GBP7: variants seen among roughly 807,000 people sequenced by gnomAD.
GBP7 encodes guanylate-binding protein 7.
In GBP7, 43 loss-of-function variants were observed where a neutral mutation model predicts 61.3. The ratio of observed to expected loss-of-function variants is 0.70; its 90% confidence interval spans 0.55 to 0.91. GBP7 has a LOEUF of 0.91. Ranked by LOEUF, GBP7 falls within the 40% of genes least tolerant of loss-of-function variation. The pLI is 0.00. For missense variants in GBP7, 717 were observed against 740.5 expected (o/e 0.97, Z 0.37); for synonymous variants, 267 against 271.0 (o/e 0.99, Z 0.14).
intron 2 of GBP7, among the ~76,000 whole-genome samples, chr1:89,167,671 C>T (rs888423320): frequency 6.6e-6 from 1 of 152,134 alleles, no homozygotes; most frequent in African/African-American, 2.4e-5. Flanking sequence ...GGTAAACTGG[C>T]CATGGATGGG....
rs138811948 is a variant in GBP7, at chr1:89,150,706, C to A, written c.626-131G>T. 6.7e-3 allele frequency: 6,160 copies of A among 916,730 alleles called. 44 individuals are homozygous for A. The highest frequency in any genetic ancestry group is 7.3e-3 in the Non-Finnish European group (4,368 of 597,120). 56.8% of individuals were successfully genotyped at this position (916,730 alleles called of 1,614,324 possible). ...TGTGAATCTACTCTATGTAATCAAA[C>A]CTCTCATGCAACCAAACTTATGCTA... On this transcript the variant is annotated intron_variant, in intron 5 of 10. Coordinates refer to ENST00000294671, the MANE Select transcript of GBP7 (RefSeq NM_207398.3).
At chr1:89,133,025 G>A (rs1681714568) in intron 10 of GBP7, among the ~76,000 whole-genome samples, 1 of 152,196 alleles carries the variant, frequency 6.6e-6, no homozygotes, top group African/African-American at 2.4e-5. Context: ...ACAAACAGCA[G>A]CCCAGCACCC....
At chr1:89,146,104 C>T (rs1224589797) in intron 8 of GBP7, among the ~76,000 whole-genome samples, 1 of 152,134 alleles carries the variant, frequency 6.6e-6, no homozygotes, top group Non-Finnish European at 1.5e-5. Context: ...CATAAAGAGA[C>T]ATCTAACTGC....
At chr1:89,148,447 G>A (rs1682116782) in intron 7 of GBP7, among the ~76,000 whole-genome samples, 1 of 152,188 alleles carries the variant, frequency 6.6e-6, no homozygotes, top group African/African-American at 2.4e-5. Flanking sequence ...GTACTCCAGT[G>A]TTTAGGTAAC....
Position 89,147,688 on chromosome 1 carries a change from T to C in GBP7, c.1244A>G (p.Glu415Gly). ...YCQAELKRLS[E>G]LLTESISRGT... ...TCTTGAAATACTTTCTGTCAAGAGC[T>C]CTGAAAGCCGCTTAAGCTCAGCCTG... The change falls in exon 8 of 11, where the codon GAG (glutamate) becomes GGG (glycine). Residue 415 changes from glutamate to glycine, a missense_variant. Physicochemically the swap from Glu to Gly is moderately conservative, Grantham distance 98 (BLOSUM62 -2). Coordinates refer to ENST00000294671, the MANE Select transcript of GBP7 (RefSeq NM_207398.3). 6.2e-7 allele frequency: 1 copy of C among 1,614,194 alleles called. No homozygotes were observed. The highest frequency in any genetic ancestry group is 1.3e-5 in the African/African-American group (1 of 75,066).
intron 2 of GBP7, among the ~76,000 whole-genome samples, chr1:89,170,902 C>T (rs557413133): frequency 6.6e-6 from 1 of 152,328 alleles, no homozygotes; most frequent in African/African-American, 2.4e-5. Context: ...GGGTTCTATG[C>T]ATAAAACTCT....
chr1:89,174,742 G>A (rs1439299535), intron 1 of GBP7, among the ~76,000 whole-genome samples: 2 of 152,170 alleles, frequency 1.3e-5, no homozygotes, highest in Non-Finnish European at 2.9e-5. Flanking sequence ...GCTCGCACCT[G>A]ACACTTACTC....
At chr1:89,147,923 G>T in intron 7 of GBP7, 144 bp from the exon 8 acceptor site, 1 of 778,286 alleles carries the variant, frequency 1.3e-6, no homozygotes, top group South Asian at 1.7e-5. Context: ...ACTTGTTTTA[G>T]TTCCAGTTCT....
Position 89,171,715 on chromosome 1 carries a change from G to A in GBP7, c.190+31C>T, listed in dbSNP as rs557877128. The A allele has an allele frequency of 5.6e-6, 9 of 1,596,500 alleles. 1 individual carries two copies. The East Asian group carries it at 2.0e-4, about 36-fold the overall frequency. On this transcript the variant is annotated intron_variant, in intron 2 of 10. Coordinates refer to ENST00000294671, the MANE Select transcript of GBP7 (RefSeq NM_207398.3). ...ACTGACTGTGTAACTGGACAGATGG[G>A]GCTCATCCATGCTTTGCTGGTGCCA...
At position 89,150,547 on chromosome 1, in the gene GBP7, G is replaced by C; in HGVS notation, c.654C>G (p.Asn218Lys). Residue 218 changes from asparagine to lysine, a missense_variant, in exon 6 of 11, where the codon AAC becomes AAG. By Grantham distance (94) the Asn-to-Lys change is moderately conservative. Around this residue, in one of 3 missense-constraint regions of GBP7, gnomAD observed 387 missense variants for 385.2 expected, o/e 1.00. Transcript: ENST00000294671. ...SGKNPQIQNS[N>K]KPREWIRHFF... ...AATGCCTGATCCACTCCCTGGGCTT[G>C]TTAGAATTTTGGATTTGGGGATTCT... 1 of 1,613,866 alleles carries C rather than the reference G, an allele frequency of 6.2e-7. No homozygotes were observed. The highest frequency in any genetic ancestry group is 1.1e-5 in the South Asian group (1 of 91,064).
rs1682221976 is a variant in GBP7 at position 89,152,341 on chromosome 1, G to A, written c.552C>T (p.Thr184=). 3 of 1,613,910 alleles carry A rather than the reference G, an allele frequency of 1.9e-6. No homozygotes were observed. Among genetic ancestry groups the A allele is most frequent in the East Asian group, 2.2e-5 (1 of 44,870 alleles). ...PDFIWTVRDF[T]LELKLDGHPI... Reference sequence around the variant, plus strand: ...GGTGTCCATCTAACTTCAGCTCCAGGGTAAAATCTCGAACAGTCCAAATAA... The same window carrying A: ...GGTGTCCATCTAACTTCAGCTCCAGAGTAAAATCTCGAACAGTCCAAATAA... The change falls in exon 5 of 11, where the codon ACC becomes ACT. Residue 184 remains threonine, a synonymous_variant. Coordinates refer to ENST00000294671, the MANE Select transcript of GBP7 (RefSeq NM_207398.3).
At chr1:89,148,054 G>T (rs528880524) in intron 7 of GBP7, among the ~76,000 whole-genome samples, 1 of 152,178 alleles carries the variant, frequency 6.6e-6, no homozygotes, top group Non-Finnish European at 1.5e-5. Context: ...TGTGGCAGTA[G>T]TAGTGTCCTT....
chr1:89,153,758 G>A (rs1682254809), intron 3 of GBP7, among the ~76,000 whole-genome samples: 1 of 152,168 alleles, frequency 6.6e-6, no homozygotes, highest in African/African-American at 2.4e-5. Flanking sequence ...CAAAAAATGG[G>A]AAGTGAGAAG....
At chr1:89,139,176 C>G (rs987377346) in intron 9 of GBP7, among the ~76,000 whole-genome samples, 3 of 151,984 alleles carry the variant, frequency 2.0e-5, no homozygotes, top group Non-Finnish European at 4.4e-5. Flanking sequence ...ACAAACCTGA[C>G]AAAAACAAGC....
chr1:89,164,984 A>G, intron 2 of GBP7, 126 bp from the exon 3 acceptor site: 1 of 851,736 alleles, frequency 1.2e-6, no homozygotes, highest in Non-Finnish European at 1.8e-6. Context: ...CATTTCAGCA[A>G]AGACAATCAA....
chr1:89,148,707 T>G lies in GBP7; in HGVS notation c.1152+585A>C, dbSNP rs896244595. 2.6e-4 allele frequency among the ~76,000 whole-genome samples: 40 copies of G among 152,228 alleles called. 1 individual carries two copies. The highest frequency in any genetic ancestry group is 8.0e-4 in the African/African-American group (33 of 41,460). On this transcript the variant is annotated intron_variant, in intron 7 of 10. Coordinates refer to ENST00000294671, the MANE Select transcript of GBP7 (RefSeq NM_207398.3). Reference sequence around the variant, plus strand: ...TAAGAAGTAAGCTCAATCAACACCTTGTTTTCAGCTTGTGATACACTGAGT... The same window carrying G: ...TAAGAAGTAAGCTCAATCAACACCTGGTTTTCAGCTTGTGATACACTGAGT...
At chr1:89,171,619 A>AT (rs1570364581) in intron 2 of GBP7, 127 bp downstream of exon 2, 1 of 748,974 alleles carries the variant, frequency 1.3e-6, no homozygotes, top group East Asian at 2.7e-5. Flanking sequence ...GGGTTCACTG[A>AT]TGAATTCAAA....
intron 3 of GBP7, among the ~76,000 whole-genome samples, chr1:89,163,772 G>A (rs1277013142): frequency 6.6e-6 from 1 of 152,084 alleles, no homozygotes; most frequent in African/African-American, 2.4e-5. Flanking sequence ...TGACTACATT[G>A]CCTAGCCCAG....
chr1:89,166,159 CAA>C (rs1466911299), intron 2 of GBP7, among the ~76,000 whole-genome samples: 4 of 152,100 alleles, frequency 2.6e-5, no homozygotes, highest in African/African-American at 9.7e-5. Context: ...ATGCAACACT[CAA>C]GAGGAAGAAA....
Sources: allele counts gnomAD v4.1 joint callset (sites outside exome capture counted in the v4.1 genomes callset), GRCh38; gene constraint gnomAD v4.1.1; regional missense constraint gnomAD v4.1.1; transcripts MANE v1.5; gene names NCBI Gene and HGNC (gene_info 2026-07-23, HGNC 2026-07-21).